Variants in SLC15A5 observed in about 807,000 individuals in gnomAD.
SLC15A5 encodes Peptide/histidine transporter ENSP00000340402.
Under a neutral mutation model 56.1 loss-of-function variants are expected in SLC15A5, and 58 were observed. The observed-to-expected ratio is 1.03, with a 90% CI of 0.84 to 1.29. The LOEUF (loss-of-function observed/expected upper bound fraction) is 1.29, where lower values mean the gene tolerates loss of function less well. Among genes scored for constraint, SLC15A5 ranks in the 50% most tolerant of loss-of-function variants. The pLI is 0.00. For missense variants in SLC15A5, 681 were observed against 672.1 expected (o/e 1.01, Z -0.15); for synonymous variants, 264 against 250.5 (o/e 1.05, Z -0.51).
At chr12:16,248,363 C>G (rs902219443) in intron 3 of SLC15A5, among the ~76,000 whole-genome samples, 2 of 152,042 alleles carry the variant, frequency 1.3e-5, no homozygotes, top group African/African-American at 2.4e-5. Context: ...TTCAGTGTCC[C>G]TGGAATGAAT....
At chr12:16,230,486 G>T (rs1864285139) in intron 5 of SLC15A5, among the ~76,000 whole-genome samples, 1 of 151,996 alleles carries the variant, frequency 6.6e-6, no homozygotes, top group African/African-American at 2.4e-5. Context: ...TGTCCCATAG[G>T]CTTTGCTTTT....
At chr12:16,251,744 AAAG>A (rs1172570541) in intron 3 of SLC15A5, among the ~76,000 whole-genome samples, 4 of 151,726 alleles carry the variant, frequency 2.6e-5, no homozygotes, top group Admixed American at 2.0e-4. Context: ...CCAAACATTT[AAAG>A]AAGAATTAAC....
chr12:16,272,603 A>C lies in SLC15A5; in HGVS notation c.542T>G (p.Leu181Arg), dbSNP rs1190652805. The C allele has an allele frequency of 5.9e-6, 9 of 1,536,944 alleles. No homozygotes were observed. The South Asian group carries it at 1.1e-4, about 18-fold the overall frequency. ...CGTTTTTTGTGATCCATACTCCTGA[A>C]GGCCAAAAGCACCCAGTGGACAGAC... ...AIVCPLGAFG[L>R]QEYGSQKTMS... is the part of the protein sequence containing the mutation. Residue 181 changes from leucine to arginine, a missense_variant, in exon 2 of 9, where the codon CTT becomes CGT. Coordinates refer to ENST00000344941, the MANE Select transcript of SLC15A5 (RefSeq NM_001170798.1).
intron 7 of SLC15A5, among the ~76,000 whole-genome samples, chr12:16,209,137 T>C (rs1348990970): frequency 6.6e-6 from 1 of 152,114 alleles, no homozygotes; most frequent in Non-Finnish European, 1.5e-5. Context: ...CTAAATTTTA[T>C]GAATACCTTC....
At chr12:16,211,176 G>A (rs752455231) in intron 7 of SLC15A5, among the ~76,000 whole-genome samples, 11 of 152,182 alleles carry the variant, frequency 7.2e-5, no homozygotes, top group Non-Finnish European at 1.3e-4. Flanking sequence ...TTGAGGAAGC[G>A]TATCTCTTAG....
At chr12:16,263,394 A>G (rs1864661975) in intron 2 of SLC15A5, among the ~76,000 whole-genome samples, 1 of 152,174 alleles carries the variant, frequency 6.6e-6, no homozygotes, top group Non-Finnish European at 1.5e-5. Flanking sequence ...CAAAGCATTC[A>G]AGCGGTGACT....
rs1449297647 is a variant in SLC15A5, at chr12:16,189,510, A to G, written c.*158T>C. On this transcript the variant is annotated 3_prime_UTR_variant, in exon 9 of 9. Coordinates refer to ENST00000344941, the MANE Select transcript of SLC15A5 (RefSeq NM_001170798.1). ...ATGCAAAAGCATGACAGTTTACTAG[A>G]AAATTCATAATTAGTCTTTGTAAAT... 1.3e-5 allele frequency: 7 copies of G among 535,840 alleles called. No individual in the cohort carries two copies. The highest frequency in any genetic ancestry group is 2.0e-5 in the African/African-American group (1 of 50,966). 33.2% of individuals were successfully genotyped at this position (535,840 alleles called of 1,614,324 possible). A position where few individuals can be genotyped will look rare whatever the true frequency, so the allele number is the denominator to read the frequency against.
At chr12:16,193,154 C>G (rs1207887767) in intron 8 of SLC15A5, among the ~76,000 whole-genome samples, 1 of 152,058 alleles carries the variant, frequency 6.6e-6, no homozygotes, top group East Asian at 1.9e-4. Flanking sequence ...TGCTACAATG[C>G]TGAGAACATT....
At chr12:16,255,769 G>A (rs777912849) in intron 3 of SLC15A5, among the ~76,000 whole-genome samples, 7 of 150,926 alleles carry the variant, frequency 4.6e-5, no homozygotes, top group Non-Finnish European at 1.0e-4. Flanking sequence ...ATTATAAAAT[G>A]ATCCCTAAAC....
intron 7 of SLC15A5, among the ~76,000 whole-genome samples, chr12:16,203,985 T>C (rs1863989060): frequency 6.6e-6 from 1 of 152,162 alleles, no homozygotes; most frequent in African/African-American, 2.4e-5. Context: ...AAAATGTCTA[T>C]GATAATTTCA....
At chr12:16,228,614 T>A (rs1351112244) in intron 5 of SLC15A5, among the ~76,000 whole-genome samples, 1 of 152,152 alleles carries the variant, frequency 6.6e-6, no homozygotes, top group African/African-American at 2.4e-5. Flanking sequence ...TTCCTCTACT[T>A]CTACCACCTC....
At chr12:16,277,194 T>C in intron 1 of SLC15A5, 131 bp downstream of exon 1, 1 of 888,608 alleles carries the variant, frequency 1.1e-6, no homozygotes, top group Non-Finnish European at 1.7e-6. Flanking sequence ...TGAAATACAT[T>C]GAACCCACAT....
At chr12:16,230,525 T>G (rs142660784) in intron 5 of SLC15A5, among the ~76,000 whole-genome samples, 1 of 152,310 alleles carries the variant, frequency 6.6e-6, no homozygotes, top group Non-Finnish European at 1.5e-5. Context: ...TAGAATGATG[T>G]TAAATTATTC....
rs144257666 is a variant in SLC15A5 at position 16,270,880 on chromosome 12, A to T, written c.584+1681T>A. The stretch of plus-strand genomic sequence containing the variant: ...AAGTTGGCCTGTAGTTTAGTATTTA[A>T]ACTGGAAAAATAAAAAAAGGCAAGA... On this transcript the variant is annotated intron_variant, in intron 2 of 8. Transcript: ENST00000344941. 1.5e-3 allele frequency among the ~76,000 whole-genome samples: 221 copies of T among 152,276 alleles called. 7 individuals are homozygous for T. In the East Asian group the frequency reaches 0.029, roughly 20 times the overall value.
intron 7 of SLC15A5, among the ~76,000 whole-genome samples, chr12:16,195,746 G>A (rs1355799713): frequency 6.6e-6 from 1 of 152,060 alleles, no homozygotes; most frequent in Non-Finnish European, 1.5e-5. Flanking sequence ...CCTTGACAAT[G>A]CATACTTATA....
rs185285491 is a variant in SLC15A5, at chr12:16,256,714, C to T, written c.754+987G>A. Among the ~76,000 whole-genome samples the T allele has an allele frequency of 6.6e-3, 996 of 152,052 alleles. 7 individuals carry two copies. The highest frequency in any genetic ancestry group is 0.01 in the Non-Finnish European group (700 of 67,966). ...TTCTACTAAAAATACAAAAAATTAG[C>T]CAGGCGTGGTGGCGGGCACCTGTAG... On this transcript the variant is annotated intron_variant, in intron 3 of 8. Transcript: ENST00000344941.
intron 5 of SLC15A5, among the ~76,000 whole-genome samples, chr12:16,231,041 C>T (rs1488705344): frequency 2.6e-5 from 4 of 152,236 alleles, no homozygotes; most frequent in East Asian, 1.9e-4. Flanking sequence ...TTATTAGTTA[C>T]GTAACTGTGG....
intron 3 of SLC15A5, among the ~76,000 whole-genome samples, chr12:16,251,838 C>T (rs1279695754): frequency 6.6e-6 from 1 of 151,842 alleles, no homozygotes; most frequent in African/African-American, 2.4e-5. Flanking sequence ...TACTTTGATA[C>T]CAAAACCAGA....
intron 7 of SLC15A5, among the ~76,000 whole-genome samples, chr12:16,214,174 A>G (rs943779514): frequency 6.6e-6 from 1 of 152,246 alleles, no homozygotes; most frequent in Non-Finnish European, 1.5e-5. Context: ...GCAATAATGC[A>G]TGTAAAAGCT....
Sources: allele counts gnomAD v4.1 joint callset (sites outside exome capture counted in the v4.1 genomes callset), GRCh38; gene constraint gnomAD v4.1.1; transcripts MANE v1.5; gene names NCBI Gene and HGNC (gene_info 2026-07-23, HGNC 2026-07-21).